NT5DC2: variants seen among roughly 807,000 people sequenced by gnomAD.
NT5DC2 encodes 5'-nucleotidase domain-containing protein 2.
Under a neutral mutation model 70.0 loss-of-function variants are expected in NT5DC2, and 41 were observed. That is an observed-to-expected ratio of 0.59 (90% CI 0.46 to 0.76). The LOEUF (loss-of-function observed/expected upper bound fraction) is 0.76. NT5DC2 is among the 30% of genes least tolerant of loss of function. The pLI, the probability that NT5DC2 is intolerant of heterozygous loss-of-function variation, is 0.00. For missense variants in NT5DC2, 705 were observed against 783.2 expected (o/e 0.90, Z 1.19); for synonymous variants, 299 against 310.4 (o/e 0.96, Z 0.39).
In NT5DC2 at chr3:52,529,433, C is replaced by T; in HGVS notation, c.233-99G>A. Reference sequence around the variant, plus strand: ...TGTGGGGACCTAGCCCTGTGAGCCTCAGAAACGCCCCACAATGGCACCTCT... The same window carrying T: ...TGTGGGGACCTAGCCCTGTGAGCCTTAGAAACGCCCCACAATGGCACCTCT... On this transcript the variant is annotated intron_variant, in intron 1 of 13. Coordinates refer to ENST00000422318, the MANE Select transcript of NT5DC2 (RefSeq NM_001134231.2). This position sits in a 1 kb window ranked among gnomAD's most constrained non-coding sequence, Gnocchi z 4.1. The T allele has an allele frequency of 8.9e-7, 1 of 1,128,936 alleles. No individual in the cohort carries two copies. Among genetic ancestry groups the T allele is most frequent in the South Asian group, 1.4e-5 (1 of 71,050 alleles). The allele number at this position is 1,128,936 out of a possible 1,614,324, so 69.9% of individuals were successfully genotyped here. A position where few individuals can be genotyped will look rare whatever the true frequency, so the allele number is the denominator to read the frequency against.
intron 6 of NT5DC2, 40 bp downstream of exon 6, chr3:52,528,143 A>G: frequency 6.2e-7 from 1 of 1,612,930 alleles, no homozygotes; most frequent in Non-Finnish European, 8.5e-7. Context: ...GGCTGGACTT[A>G]GTCTTTCCTG....
chr3:52,528,067 TGGC>T lies in NT5DC2; in HGVS notation c.775_777del (p.Ala259del). The stretch of plus-strand genomic sequence containing the variant: ...AGGCCCTTCACATGCACGTCTCGGA[TGGC>T]GTCCTGGGGGCAGTGGAGGACAATG... On this transcript the variant is annotated inframe_deletion, in exon 7 of 14. Coordinates refer to ENST00000422318, the MANE Select transcript of NT5DC2 (RefSeq NM_001134231.2). 1 of 1,612,604 alleles carries T rather than the reference TGGC, an allele frequency of 6.2e-7. No homozygotes were observed. The highest frequency in any genetic ancestry group is 8.5e-7 in the Non-Finnish European group (1 of 1,179,710).
chr3:52,525,186 C>T (rs1468661226), intron 11 of NT5DC2, 23 bp downstream of exon 11: 3 of 1,603,074 alleles, frequency 1.9e-6, no homozygotes, highest in Non-Finnish European at 2.6e-6. Context: ...TCCCCCACTG[C>T]AGCCCAGCCC....
intron 10 of NT5DC2, 52 bp from the exon 11 acceptor site, chr3:52,525,347 A>C: frequency 7.0e-7 from 1 of 1,435,012 alleles, no homozygotes; most frequent in Non-Finnish European, 9.7e-7. Context: ...GTCCTCCACC[A>C]GTCCTCCCTC....
chr3:52,528,305 A>T lies in NT5DC2; in HGVS notation c.649T>A (p.Ser217Thr). ...AAGATGTCCATGAACTGCTTAATGG[A>T]GGGACCCTGGGGAGGGGGCCATTGT... ...QMSGFYGKGP[S>T]IKQFMDIFSL... The change falls in exon 6 of 14, where the codon TCC (serine) becomes ACC (threonine). Residue 217 changes from serine to threonine, a missense_variant. Ser to Thr is a moderately conservative substitution (Grantham distance 58). Coordinates refer to ENST00000422318, the MANE Select transcript of NT5DC2 (RefSeq NM_001134231.2). The T allele has an allele frequency of 6.2e-7, 1 of 1,613,234 alleles. No individual in the cohort carries two copies. The highest frequency in any genetic ancestry group is 8.5e-7 in the Non-Finnish European group (1 of 1,179,998).
intron 10 of NT5DC2, chr3:52,525,546 G>T: frequency 1.9e-6 from 1 of 524,052 alleles, no homozygotes; most frequent in Non-Finnish European, 3.5e-6. Context: ...TTCTCCCTGT[G>T]GTCTCACACG....
intron 5 of NT5DC2, 29 bp from the exon 6 acceptor site, chr3:52,528,340 C>A: frequency 6.2e-7 from 1 of 1,613,172 alleles, no homozygotes; most frequent in Non-Finnish European, 8.5e-7. Context: ...TCTCAGACAC[C>A]CTTTGGGACC....
rs1204937325 is a variant in NT5DC2, at chr3:52,533,514, A to T, written c.224T>A (p.Leu75Gln). The T allele has an allele frequency of 1.3e-6, 2 of 1,488,250 alleles. No individual in the cohort carries two copies. The highest frequency in any genetic ancestry group is 8.9e-7 in the Non-Finnish European group (1 of 1,121,484). The allele number at this position is 1,488,250 out of a possible 1,614,324, so 92.2% of individuals were successfully genotyped here. A position where few individuals can be genotyped will look rare whatever the true frequency, so the allele number is the denominator to read the frequency against. Residue 75 changes from leucine (L) to glutamine (Q), a missense_variant, in exon 1 of 14, where the codon CTG becomes CAG. Physicochemically the swap from Leu to Gln is moderately radical, Grantham distance 113. Coordinates refer to ENST00000422318, the MANE Select transcript of NT5DC2 (RefSeq NM_001134231.2). ...LWARYQDMRR[L>Q]VHDLLPPEVC... ...CGCCCCGGCTCACCCACCGTGCACC[A>T]GTCTCCGCATGTCCTGGTAGCGAGC...
chr3:52,528,333 C>T (rs765774818), intron 5 of NT5DC2, 22 bp from the exon 6 acceptor site: 2 of 1,613,186 alleles, frequency 1.2e-6, no homozygotes, highest in Non-Finnish European at 8.5e-7. Context: ...GCCATTGTCT[C>T]AGACACCCTT....
chr3:52,528,118 G>C (rs1326493343), intron 6 of NT5DC2, 45 bp from the exon 7 acceptor site: 7 of 1,612,828 alleles, frequency 4.3e-6, no homozygotes, highest in Non-Finnish European at 5.9e-6. Flanking sequence ...GGCCCAGGTG[G>C]GGCTGTCCCA....
upstream of NT5DC2, chr3:52,534,575 C>A (rs753633927): frequency 6.2e-6 from 10 of 1,613,810 alleles, no homozygotes; most frequent in Non-Finnish European, 8.5e-6. Flanking sequence ...TCGTGAGATG[C>A]TGTGGTCTTT....
At position 52,525,232 on chromosome 3, in the gene NT5DC2, C is replaced by T; in HGVS notation, c.1183G>A (p.Asp395Asn). 1 of 1,612,522 alleles carries T rather than the reference C, an allele frequency of 6.2e-7. No individual in the cohort carries two copies. The highest frequency in any genetic ancestry group is 8.5e-7 in the Non-Finnish European group (1 of 1,179,876). Reference sequence around the variant, plus strand: ...ACCGCCAGATCACTATAGAGGTGGTCCCCGAAGTAGAGCACGCGGGGGCCA... The same window carrying T: ...ACCGCCAGATCACTATAGAGGTGGTTCCCGAAGTAGAGCACGCGGGGGCCA... ...WRGPRVLYFG[D>N]HLYSDLADLM... The change falls in exon 11 of 14, where the codon GAC becomes AAC. Residue 395 changes from aspartate (D) to asparagine (N), a missense_variant. Transcript: ENST00000422318.
chr3:52,526,174 CTT>C (rs1327938844), intron 10 of NT5DC2: 2 of 152,376 alleles, frequency 1.3e-5, no homozygotes, highest in Non-Finnish European at 2.9e-5. Flanking sequence ...GTATGACCCT[CTT>C]TAGCTGAGGC....
At chr3:52,525,775 AACTG>A in intron 10 of NT5DC2, 1 of 172,716 alleles carries the variant, frequency 5.8e-6, no homozygotes, top group South Asian at 1.4e-4. Context: ...GGGTGGCAGA[AACTG>A]AGCGGCCCAG....
chr3:52,527,993 G>C lies in NT5DC2; in HGVS notation c.832+20C>G, dbSNP rs374674749. 3.7e-6 allele frequency: 6 copies of C among 1,612,868 alleles called. No homozygotes were observed. The highest frequency in any genetic ancestry group is 5.1e-6 in the Non-Finnish European group (6 of 1,179,836). ...CCACCTGCTCAGGCCGGCCACGGCA[G>C]GGCTTCTGTCCACACTTACCCATGT... On this transcript the variant is annotated intron_variant, in intron 7 of 13. Coordinates refer to ENST00000422318, the MANE Select transcript of NT5DC2 (RefSeq NM_001134231.2).
chr3:52,524,750 T>C lies in NT5DC2; in HGVS notation c.1413-19A>G. ...GATGCACCTGGCGAGGGAGACACGA[T>C]GCGCTCAAGGGGTGGGCCTGGGGTG... is the stretch of plus-strand genomic sequence containing the variant. On this transcript the variant is annotated intron_variant, in intron 13 of 13. Coordinates refer to ENST00000422318, the MANE Select transcript of NT5DC2 (RefSeq NM_001134231.2). 1.9e-6 allele frequency: 3 copies of C among 1,612,626 alleles called. No individual in the cohort carries two copies. The highest frequency in any genetic ancestry group is 4.5e-5 in the East Asian group (2 of 44,874).
At position 52,529,262 on chromosome 3, in the gene NT5DC2, C is replaced by G. The variant is rs759747006; in HGVS notation, c.305G>C (p.Arg102Pro). 1 of 1,613,978 alleles carries G rather than the reference C, an allele frequency of 6.2e-7. No homozygotes were observed. The highest frequency in any genetic ancestry group is 1.7e-4 in the Middle Eastern group (1 of 6,060). Residue 102 changes from arginine (R) to proline (P), a missense_variant, in exon 2 of 14, where the codon CGT (arginine) becomes CCT (proline). Coordinates refer to ENST00000422318, the MANE Select transcript of NT5DC2 (RefSeq NM_001134231.2). The surrounding 1 kb of genome is among the most constrained non-coding windows in gnomAD (Gnocchi z 4.1). The stretch of plus-strand genomic sequence containing the variant: ...GTCAAAGCCGTAGACCTCAACGTCA[C>G]GCAGGCTGATCTCGTTGTTGGCGTA... ...AIYANNEISL[R>P]DVEVYGFDYD...
In NT5DC2 at chr3:52,531,614, C is replaced by G. The variant is rs912113399; in HGVS notation, c.232+1892G>C. Among the ~76,000 whole-genome samples the G allele has an allele frequency of 6.9e-6, 1 of 145,336 alleles. No individual in the cohort carries two copies. Among genetic ancestry groups the G allele is most frequent in the Non-Finnish European group, 1.5e-5 (1 of 67,374 alleles). On this transcript the variant is annotated intron_variant, in intron 1 of 13. Coordinates refer to ENST00000422318, the MANE Select transcript of NT5DC2 (RefSeq NM_001134231.2). This position sits in a 1 kb window ranked among gnomAD's most constrained non-coding sequence, Gnocchi z 4.1. ...CTGGTGGCCTGGCCTGATTTCTAGACTAGAAGAACCTTGGCTCTGGGGCGA... is the reference window on the plus strand; with the variant it reads ...CTGGTGGCCTGGCCTGATTTCTAGAGTAGAAGAACCTTGGCTCTGGGGCGA...
chr3:52,534,484 C>T (rs369219674), upstream of NT5DC2: 1 of 1,611,526 alleles, frequency 6.2e-7, no homozygotes, highest in Non-Finnish European at 8.5e-7. Context: ...TTGTGGGCCA[C>T]GGTCACTGCG....
Sources: gnomAD v4.1 joint callset for allele counts (sites outside exome capture counted in the v4.1 genomes callset) on GRCh38, gnomAD v4.1.1 for gene constraint, Gnocchi (gnomAD v3.1) non-coding constraint, MANE v1.5 for transcripts, NCBI Gene and HGNC (gene_info 2026-07-23, HGNC 2026-07-21) for gene names.